Variants in ABI1 observed in about 807,000 individuals in gnomAD.
ABI1 encodes the protein abl interactor 1, also known as Abelson interactor 1.
ABI1 carries 14 observed loss-of-function variants against 54.6 expected under a neutral mutation model. The ratio of observed to expected loss-of-function variants is 0.26; its 90% CI spans 0.17 to 0.40. ABI1 has a LOEUF of 0.40. Among genes scored for constraint, ABI1 ranks in the 10% least tolerant of loss-of-function variants. ABI1 has a pLI of 1.00. For missense variants in ABI1, 443 were observed against 598.3 expected (o/e 0.74, Z 2.71); for synonymous variants, 194 against 209.3 (o/e 0.93, Z 0.63).
intron 1 of ABI1, chr10:26,839,660 A>AT (rs2134036605): frequency 1.6e-6 from 1 of 630,550 alleles, no homozygotes; most frequent in African/African-American, 2.1e-5. Context: ...TTAAAAAAAA[A>AT]AAAAAACATG....
intron 2 of ABI1, among the ~76,000 whole-genome samples, chr10:26,794,456 G>T (rs752988930): frequency 1.3e-5 from 2 of 151,818 alleles, no homozygotes; most frequent in African/African-American, 2.4e-5. Context: ...ATGTCAGGAA[G>T]TACAGTCTAA....
At chr10:26,769,202 GA>G (rs1352667518) in intron 5 of ABI1, among the ~76,000 whole-genome samples, 1 of 151,936 alleles carries the variant, frequency 6.6e-6, no homozygotes, top group Non-Finnish European at 1.5e-5. Flanking sequence ...CTTTTCCTAG[GA>G]AAAACATAGG....
At chr10:26,857,390 T>C (rs1217987115) in intron 1 of ABI1, among the ~76,000 whole-genome samples, 3 of 145,438 alleles carry the variant, frequency 2.1e-5, no homozygotes, top group Non-Finnish European at 4.5e-5. Flanking sequence ...TCTGTAATAC[T>C]GGCACACTGG....
At chr10:26,852,538 C>T (rs999467243) in intron 1 of ABI1, among the ~76,000 whole-genome samples, 1 of 151,978 alleles carries the variant, frequency 6.6e-6, no homozygotes, top group Non-Finnish European at 1.5e-5. Flanking sequence ...TAATATTTGA[C>T]GTAGTAGGAA....
intron 1 of ABI1, among the ~76,000 whole-genome samples, chr10:26,827,291 G>A (rs551449491): frequency 2.0e-5 from 3 of 149,722 alleles, no homozygotes; most frequent in South Asian, 2.1e-4. Flanking sequence ...GCGTGATCTC[G>A]GCTCACCGCA....
chr10:26,751,244 G>A (rs1326260475), intron 10 of ABI1, among the ~76,000 whole-genome samples: 1 of 152,134 alleles, frequency 6.6e-6, no homozygotes, highest in African/African-American at 2.4e-5. Flanking sequence ...GATATGAAAG[G>A]TAATCAATAG....
At chr10:26,831,790 T>A (rs1164282241) in intron 1 of ABI1, among the ~76,000 whole-genome samples, 3 of 152,226 alleles carry the variant, frequency 2.0e-5, no homozygotes, top group Admixed American at 2.0e-4. Flanking sequence ...AGATTCAGAT[T>A]GAACATTGTG....
intron 2 of ABI1, among the ~76,000 whole-genome samples, chr10:26,813,368 C>T (rs1282744276): frequency 7.0e-6 from 1 of 142,212 alleles, no homozygotes; most frequent in Non-Finnish European, 1.5e-5. Flanking sequence ...GATAATGGCA[C>T]CAAAAATATC....
In ABI1 at chr10:26,769,787, A is replaced by C. The variant is rs545481159; in HGVS notation, c.578+458T>G. Among the ~76,000 whole-genome samples, 267 of 152,298 alleles carry C rather than the reference A, an allele frequency of 1.8e-3. 2 individuals carry two copies. Among genetic ancestry groups the C allele is most frequent in the South Asian group, 0.012 (56 of 4,826 alleles). ...AAGCATAGTTACAAGTAAAGTGCAT[A>C]CTTTCCTAAAGTAAAGAGTCCCTAA... is the stretch of plus-strand genomic sequence containing the variant. On this transcript the variant is annotated intron_variant, in intron 5 of 10. Coordinates refer to ENST00000376140, the MANE Select transcript of ABI1 (RefSeq NM_001012750.3).
intron 4 of ABI1, chr10:26,770,574 C>T: frequency 1.4e-6 from 1 of 698,096 alleles, no homozygotes; most frequent in Non-Finnish European, 2.6e-6. Flanking sequence ...GGTGAGATGA[C>T]TGGATTTAAT....
chr10:26,754,975 T>C (rs1433229445), intron 9 of ABI1, among the ~76,000 whole-genome samples: 1 of 152,142 alleles, frequency 6.6e-6, no homozygotes, highest in Non-Finnish European at 1.5e-5. Context: ...CTGAACTTCA[T>C]TCGAGAGAAG....
chr10:26,760,331 G>C (rs1838965788), intron 7 of ABI1, among the ~76,000 whole-genome samples: 1 of 152,070 alleles, frequency 6.6e-6, no homozygotes, highest in African/African-American at 2.4e-5. Context: ...TAAAAAGCCA[G>C]CGTCCTAGTT....
At chr10:26,758,068 CAAAAAAA>C (rs71403888) in intron 8 of ABI1, among the ~76,000 whole-genome samples, 3 of 67,408 alleles carry the variant, frequency 4.5e-5, no homozygotes, top group Non-Finnish European at 5.7e-5. Flanking sequence ...AACTCTGTCT[CAAAAAAA>C]AAAAAAAAAA....
intron 8 of ABI1, among the ~76,000 whole-genome samples, chr10:26,757,142 T>C (rs1838419364): frequency 6.6e-6 from 1 of 152,140 alleles, no homozygotes. Context: ...GTGAAGATAC[T>C]AATCATTACT....
intron 2 of ABI1, among the ~76,000 whole-genome samples, chr10:26,820,015 T>C (rs1483330846): frequency 1.3e-5 from 2 of 152,204 alleles, no homozygotes; most frequent in Non-Finnish European, 2.9e-5. Context: ...AGAATGGTAG[T>C]TGTCAGAGAC....
In ABI1 at chr10:26,759,224, C is replaced by G; in HGVS notation, c.835G>C (p.Ala279Pro). ...PTIGPAAPGS[A>P]PGSQYGTMTR... Reference sequence around the variant, plus strand: ...ATTGTGCCATACTGGGAACCAGGAGCTGAGCCCGGGGCTGCTGAAAAGCAT... The same window carrying G: ...ATTGTGCCATACTGGGAACCAGGAGGTGAGCCCGGGGCTGCTGAAAAGCAT... Residue 279 changes from alanine (A) to proline (P), a missense_variant, in exon 8 of 11, where the codon GCT becomes CCT. This residue lies in a region of ABI1 where 394 missense variants were observed against 484.8 expected (regional missense o/e 0.81). Transcript: ENST00000376140. 32 of 1,613,872 alleles carry G rather than the reference C, an allele frequency of 2.0e-5. No homozygotes were observed. The highest frequency in any genetic ancestry group is 2.6e-5 in the Non-Finnish European group (31 of 1,179,918).
intron 5 of ABI1, 106 bp from the exon 6 acceptor site, chr10:26,769,098 A>G: frequency 1.2e-6 from 1 of 830,162 alleles, no homozygotes; most frequent in East Asian, 3.0e-5. Flanking sequence ...CCAGGATTTA[A>G]AAATATATAT....
At chr10:26,787,013 G>C (rs561914976) in intron 2 of ABI1, among the ~76,000 whole-genome samples, 65 of 152,272 alleles carry the variant, frequency 4.3e-4, no homozygotes, top group African/African-American at 1.5e-3. Context: ...ATGTAAGTCA[G>C]ACATCTAGCA....
rs571177532 is a variant in ABI1, at chr10:26,817,207, C to T, written c.285+5931G>A. Among the ~76,000 whole-genome samples, 9 of 152,100 alleles carry T rather than the reference C, an allele frequency of 5.9e-5. No individual in the cohort carries two copies. In the South Asian group the frequency reaches 1.7e-3, roughly 28 times the overall value. ...TAGAGACGGGGTTTCACCATGTTGG[C>T]CAGGCTGGTCTCAAACTCCTGACCT... On this transcript the variant is annotated intron_variant, in intron 2 of 10. Coordinates refer to ENST00000376140, the MANE Select transcript of ABI1 (RefSeq NM_001012750.3).
Sources: allele counts gnomAD v4.1 joint callset (sites outside exome capture counted in the v4.1 genomes callset), GRCh38; gene constraint gnomAD v4.1.1; regional missense constraint gnomAD v4.1.1; transcripts MANE v1.5; gene names NCBI Gene and HGNC (gene_info 2026-07-23, HGNC 2026-07-21).